Variants in CCDC127 observed in about 807,000 individuals in gnomAD.
CCDC127 encodes the protein coiled-coil domain containing 127, also known as coiled-coil domain-containing protein 127.
A neutral mutation model predicts 4.1 loss-of-function variants in CCDC127; 2 were observed. The observed-to-expected ratio is 0.49, with a 90% CI of 0.20 to 1.53. The LOEUF (loss-of-function observed/expected upper bound fraction) is 1.53. Ranked by LOEUF, CCDC127 falls within the 40% of genes most tolerant of loss-of-function variation. The pLI, the probability that CCDC127 is intolerant of heterozygous loss-of-function variation, is 0.23. For synonymous variants in CCDC127, 98 were observed against 120.4 expected, an observed-to-expected ratio of 0.81 and a Z score of 1.22; for missense variants, 271 against 322.9, an observed-to-expected ratio of 0.84 and a Z score of 1.23.
chr5:205,245 G>T lies in CCDC127; in HGVS notation c.*52C>A. On this transcript the variant is annotated 3_prime_UTR_variant, in exon 3 of 3. Coordinates refer to ENST00000296824, the MANE Select transcript of CCDC127 (RefSeq NM_145265.3). Reference sequence around the variant, plus strand: ...GGAAGACGCCGGAGACCCAGAAGGCGCATGACTGCCTGGCCTCGAGTCACT... The same window carrying T: ...GGAAGACGCCGGAGACCCAGAAGGCTCATGACTGCCTGGCCTCGAGTCACT... 6.6e-7 allele frequency: 1 copy of T among 1,521,404 alleles called. No homozygotes were observed. The allele number at this position is 1,521,404 out of a possible 1,614,324, so 94.2% of individuals were successfully genotyped here.
intron 2 of CCDC127, among the ~76,000 whole-genome samples, chr5:207,076 T>A (rs1734190764): frequency 6.6e-6 from 1 of 152,190 alleles, no homozygotes; most frequent in Non-Finnish European, 1.5e-5. Context: ...TTCAATTATT[T>A]TCTCCCGGGT....
At chr5:217,271 G>A (rs1734426807) in intron 1 of CCDC127, 1 of 171,450 alleles carries the variant, frequency 5.8e-6, no homozygotes, top group African/African-American at 2.4e-5. Context: ...AAGTTCTCTG[G>A]TACAAATATG....
At position 205,345 on chromosome 5, in the gene CCDC127, G is replaced by C. The variant is rs753353373; in HGVS notation, c.735C>G (p.Val245=). The change falls in exon 3 of 3, where the codon GTC becomes GTG. Residue 245 remains valine (V), a synonymous_variant. Coordinates refer to ENST00000296824, the MANE Select transcript of CCDC127 (RefSeq NM_145265.3). The part of the protein sequence containing the change: ...WLYLKYWELV[V]ELKKFKRVEE... ...CTACTCTCTTAAACTTCTTCAGTTC[G>C]ACAACGAGTTCCCAGTATTTGAGAT... 3.1e-6 allele frequency: 5 copies of C among 1,613,730 alleles called. No individual in the cohort carries two copies. Among genetic ancestry groups the C allele is most frequent in the Admixed American group, 3.3e-5 (2 of 59,970 alleles).
chr5:217,958 C>A (rs897748095), intron 1 of CCDC127, 135 bp downstream of exon 1: 100 of 375,086 alleles, frequency 2.7e-4, no homozygotes, highest in African/African-American at 2.0e-3. Flanking sequence ...CCTCCGCGGA[C>A]GAGCGCCCCC....
At chr5:210,749 C>T (rs1321119351) in intron 2 of CCDC127, among the ~76,000 whole-genome samples, 1 of 131,448 alleles carries the variant, frequency 7.6e-6, no homozygotes, top group Non-Finnish European at 1.6e-5. Flanking sequence ...AATGTGAGCA[C>T]GCTGAGATGC....
intron 2 of CCDC127, among the ~76,000 whole-genome samples, chr5:206,878 A>AG (rs1734186065): frequency 1.3e-5 from 2 of 152,122 alleles, no homozygotes; most frequent in Non-Finnish European, 2.9e-5. Flanking sequence ...TCAAAGCCCA[A>AG]GGCCCCAAAA....
rs1734466283 is a variant in CCDC127, at chr5:218,076, A to C, written c.-11+17T>G. 8.6e-7 allele frequency: 1 copy of C among 1,166,128 alleles called. No homozygotes were observed. The highest frequency in any genetic ancestry group is 1.6e-5 in the African/African-American group (1 of 62,640). 72.2% of individuals were successfully genotyped at this position (1,166,128 alleles called of 1,614,324 possible). On this transcript the variant is annotated intron_variant, in intron 1 of 2. Coordinates refer to ENST00000296824, the MANE Select transcript of CCDC127 (RefSeq NM_145265.3). ...ATGTTGGTGCCCACCACCTCCCCGG[A>C]ACAGGGCCCGCTCTACCTCGGTCGG...
rs771243949 is a variant in CCDC127, at chr5:205,479, C to A, written c.601G>T (p.Ala201Ser). ...LVRASVDPVA[A>S]DLEMAAGLTD... ...AGACCGGCTGCCATCTCTAGGTCAGCGGCGACGGGGTCGACGGACGCTCGC... is the reference window on the plus strand; with the variant it reads ...AGACCGGCTGCCATCTCTAGGTCAGAGGCGACGGGGTCGACGGACGCTCGC... Residue 201 changes from alanine (A) to serine (S), a missense_variant, in exon 3 of 3, where the codon GCT (alanine) becomes TCT (serine). Coordinates refer to ENST00000296824, the MANE Select transcript of CCDC127 (RefSeq NM_145265.3). 2 of 1,613,990 alleles carry A rather than the reference C, an allele frequency of 1.2e-6. No homozygotes were observed. Among genetic ancestry groups the A allele is most frequent in the African/African-American group, 1.3e-5 (1 of 75,044 alleles).
At position 204,782 on chromosome 5, in the gene CCDC127, T is replaced by C. The variant is rs1374635177; in HGVS notation, c.*515A>G. ...AGAAACACTTGGTATTTCCCCTTTATGGAGTGAGAGAGATCTTTAAAATAT... is the reference window on the plus strand; with the variant it reads ...AGAAACACTTGGTATTTCCCCTTTACGGAGTGAGAGAGATCTTTAAAATAT... On this transcript the variant is annotated 3_prime_UTR_variant, in exon 3 of 3. Transcript: ENST00000296824. 1 of 152,424 alleles carries C rather than the reference T, an allele frequency of 6.6e-6. No individual in the cohort carries two copies. Among genetic ancestry groups the C allele is most frequent in the Non-Finnish European group, 1.5e-5 (1 of 68,204 alleles). 9.4% of individuals were successfully genotyped at this position (152,424 alleles called of 1,614,324 possible).
rs950859507 is a variant in CCDC127 at position 202,772 on chromosome 5, T to G, written c.*2525A>C. 1.3e-5 allele frequency: 2 copies of G among 152,246 alleles called. No homozygotes were observed. Among genetic ancestry groups the G allele is most frequent in the Non-Finnish European group, 2.9e-5 (2 of 68,052 alleles). The allele number at this position is 152,246 out of a possible 1,614,324, so 9.4% of individuals were successfully genotyped here. Reference sequence around the variant, plus strand: ...ATCATTCACCTACAAAGCAGCTGACTGTGTTTTCTTCATTTAAAGACAAAC... The same window carrying G: ...ATCATTCACCTACAAAGCAGCTGACGGTGTTTTCTTCATTTAAAGACAAAC... On this transcript the variant is annotated 3_prime_UTR_variant, in exon 3 of 3. Coordinates refer to ENST00000296824, the MANE Select transcript of CCDC127 (RefSeq NM_145265.3).
intron 2 of CCDC127, among the ~76,000 whole-genome samples, chr5:208,932 G>A (rs1372650514): frequency 6.6e-6 from 1 of 152,248 alleles, no homozygotes; most frequent in Non-Finnish European, 1.5e-5. Context: ...AGACCTGGAT[G>A]AGAGATGGCA....
intron 2 of CCDC127, among the ~76,000 whole-genome samples, chr5:206,214 T>TACCACTGCTCTTCTTCTCCTCGCAAACCC (rs55724590): frequency 7.9e-5 from 12 of 151,866 alleles, no homozygotes; most frequent in African/African-American, 2.9e-4. Flanking sequence ...TAAGAAGATC[T>TACCACTGCTCTTCTTCTCCTCGCAAACCC]ACCACCATTT....
rs1734403787 is a variant in CCDC127 at position 216,821 on chromosome 5, C to T, written c.29G>A (p.Trp10Ter). Residue 10 changes from tryptophan (W) to a stop codon, truncating the protein, a stop_gained, in exon 2 of 3, where the codon TGG (tryptophan) becomes TAG (stop). Coordinates refer to ENST00000296824, the MANE Select transcript of CCDC127 (RefSeq NM_145265.3). LOFTEE classifies it high-confidence loss of function. MNNLNDPPNWNIRPNSRADG... is the reference protein window; with the variant it reads MNNLNDPPN ...CGCCCTGGAATTAGGCCGGATATTC[C>T]AATTTGGGGGATCATTTAGGTTATT... 1 of 1,587,784 alleles carries T rather than the reference C, an allele frequency of 6.3e-7. No homozygotes were observed. Among genetic ancestry groups the T allele is most frequent in the Non-Finnish European group, 8.6e-7 (1 of 1,157,102 alleles).
intron 1 of CCDC127, chr5:217,132 C>CA (rs1734420584): frequency 1.6e-4 from 30 of 190,930 alleles, no homozygotes; most frequent in South Asian, 5.4e-4. Flanking sequence ...TCCGTCCCCC[C>CA]CAAAAAAAAA....
At position 199,004 on chromosome 5, in the gene CCDC127, C is replaced by G. The variant is rs1369477660; in HGVS notation, c.*6293G>C. On this transcript the variant is annotated 3_prime_UTR_variant, in exon 3 of 3. Transcript: ENST00000296824. ...GAGCCTCAGGGTTCACCTGCCCAGG[C>G]CCACCCCGGCTTTCCAGGGCCAGTG... 1.3e-5 allele frequency: 2 copies of G among 152,360 alleles called. No individual in the cohort carries two copies. Among genetic ancestry groups the G allele is most frequent in the African/African-American group, 4.8e-5 (2 of 41,468 alleles). The allele number at this position is 152,360 out of a possible 1,614,324, so 9.4% of individuals were successfully genotyped here. A position where few individuals can be genotyped will look rare whatever the true frequency, so the allele number is the denominator to read the frequency against.
At chr5:209,785 T>C (rs1734242947) in intron 2 of CCDC127, among the ~76,000 whole-genome samples, 1 of 152,244 alleles carries the variant, frequency 6.6e-6, no homozygotes, top group Non-Finnish European at 1.5e-5. Context: ...CACGTGGGGA[T>C]TGCTCCAGAG....
At position 197,072 on chromosome 5, in the gene CCDC127, G is replaced by C. The variant is rs915812291; in HGVS notation, c.*8225C>G. On this transcript the variant is annotated 3_prime_UTR_variant, in exon 3 of 3. Coordinates refer to ENST00000296824, the MANE Select transcript of CCDC127 (RefSeq NM_145265.3). ...GAATCTATGTCGTAATTAAGTTCAA[G>C]GGAAGGTACTATGCCTGGACGTGCA... The C allele has an allele frequency of 1.3e-5, 2 of 151,342 alleles. No homozygotes were observed. The highest frequency in any genetic ancestry group is 4.9e-5 in the African/African-American group (2 of 41,000). The allele number at this position is 151,342 out of a possible 1,614,324, so 9.4% of individuals were successfully genotyped here. A position where few individuals can be genotyped will look rare whatever the true frequency, so the allele number is the denominator to read the frequency against.
At chr5:217,910 TAAAC>T (rs926002959) in intron 1 of CCDC127, among the ~76,000 whole-genome samples, 179 bp downstream of exon 1, 1 of 152,238 alleles carries the variant, frequency 6.6e-6, no homozygotes, top group African/African-American at 2.4e-5. Context: ...GGATGTATAA[TAAAC>T]AAGAGGTCGG....
rs1296479683 is a variant in CCDC127 at position 198,198 on chromosome 5, T to C, written c.*7099A>G. Reference sequence around the variant, plus strand: ...GATATGGTGACTTCCACTCCCCACATTCGTCTCTGCCTGCTCTGCAACCAC... The same window carrying C: ...GATATGGTGACTTCCACTCCCCACACTCGTCTCTGCCTGCTCTGCAACCAC... On this transcript the variant is annotated 3_prime_UTR_variant, in exon 3 of 3. Coordinates refer to ENST00000296824, the MANE Select transcript of CCDC127 (RefSeq NM_145265.3). 1 of 152,324 alleles carries C rather than the reference T, an allele frequency of 6.6e-6. No individual in the cohort carries two copies. Among genetic ancestry groups the C allele is most frequent in the Non-Finnish European group, 1.5e-5 (1 of 68,112 alleles). 9.4% of individuals were successfully genotyped at this position (152,324 alleles called of 1,614,324 possible).
Sources: gnomAD v4.1 joint callset for allele counts (sites outside exome capture counted in the v4.1 genomes callset) on GRCh38, gnomAD v4.1.1 for gene constraint, MANE v1.5 for transcripts, NCBI Gene and HGNC (gene_info 2026-07-23, HGNC 2026-07-21) for gene names.